FGGY: variants seen among roughly 807,000 people sequenced by gnomAD.
FGGY encodes the protein FGGY carbohydrate kinase domain-containing protein.
FGGY carries 72 observed loss-of-function variants against 71.3 expected under a neutral mutation model. The observed-to-expected ratio is 1.01, with a 90% CI of 0.84 to 1.23. FGGY has a LOEUF of 1.23. FGGY is among the 50% of genes most tolerant of loss of function. FGGY has a pLI of 0.00. For synonymous variants in FGGY, 251 were observed against 250.3 expected, an observed-to-expected ratio of 1.00 and a Z score of -0.02; for missense variants, 668 against 682.3, an observed-to-expected ratio of 0.98 and a Z score of 0.23.
intron 7 of FGGY, among the ~76,000 whole-genome samples, chr1:59,520,058 C>T (rs149958829): frequency 6.6e-6 from 1 of 152,308 alleles, no homozygotes; most frequent in Non-Finnish European, 1.5e-5. Context: ...CCCAGGCCAA[C>T]CCCCTGCAAC....
chr1:59,360,119 CTATCATTGT>C lies in FGGY; in HGVS notation c.465+13725_465+13733del, dbSNP rs200730829. ...TATTGATAATAAGAACTTTATTTTT[CTATCATTGT>C]TATTATTATTATTATTATTATTATT... On this transcript the variant is annotated intron_variant, in intron 4 of 15. Transcript: ENST00000303721. 6.2e-3 allele frequency among the ~76,000 whole-genome samples: 693 copies of C among 112,538 alleles called. 8 individuals are homozygous for C. Among genetic ancestry groups the C allele is most frequent in the African/African-American group, 0.021 (652 of 31,134 alleles). The allele number at this position is 112,538 out of a possible 152,430, so 73.8% of individuals were successfully genotyped here.
At chr1:59,417,924 C>T (rs2064750415) in intron 5 of FGGY, among the ~76,000 whole-genome samples, 1 of 152,172 alleles carries the variant, frequency 6.6e-6, no homozygotes, top group Non-Finnish European at 1.5e-5. Context: ...TGGATAGTGG[C>T]TATGTTATTG....
At chr1:59,656,996 G>C (rs922268583) in intron 11 of FGGY, among the ~76,000 whole-genome samples, 4 of 152,210 alleles carry the variant, frequency 2.6e-5, no homozygotes, top group Non-Finnish European at 5.9e-5. Context: ...TTTAGAGAAG[G>C]GTCCGTGATA....
chr1:59,327,967 T>C, intron 2 of FGGY, among the ~76,000 whole-genome samples: 1 of 152,248 alleles, frequency 6.6e-6, no homozygotes, highest in East Asian at 1.9e-4. Context: ...AGATGTGCTG[T>C]CATCCAGGCT....
chr1:59,674,544 A>T (rs776090787), intron 14 of FGGY, among the ~76,000 whole-genome samples: 23 of 152,344 alleles, frequency 1.5e-4, no homozygotes, highest in Non-Finnish European at 1.3e-4. Context: ...AACAAGAGAC[A>T]CAAATGAAAC....
At chr1:59,693,304 A>T (rs2097611833) in intron 14 of FGGY, among the ~76,000 whole-genome samples, 1 of 152,250 alleles carries the variant, frequency 6.6e-6, no homozygotes, top group African/African-American at 2.4e-5. Flanking sequence ...GTTTTCTATC[A>T]GTAAAATTTC....
At chr1:59,474,427 G>A (rs58578444) in intron 6 of FGGY, among the ~76,000 whole-genome samples, 13 of 152,138 alleles carry the variant, frequency 8.5e-5, no homozygotes, top group Admixed American at 8.5e-4. Flanking sequence ...AATTTCCTTG[G>A]TCCTGCAGCA....
chr1:59,613,497 AG>A (rs1215937350), intron 9 of FGGY, among the ~76,000 whole-genome samples: 1 of 152,210 alleles, frequency 6.6e-6, no homozygotes. Flanking sequence ...CCTTCAAAGT[AG>A]TGTGTAGAGG....
In FGGY at chr1:59,482,570, ATG is replaced by A. The variant is rs5774470; in HGVS notation, c.670+25514_670+25515del. On this transcript the variant is annotated intron_variant, in intron 6 of 15. Coordinates refer to ENST00000303721, the MANE Select transcript of FGGY (RefSeq NM_018291.5). ...TATATGTGTGTCTATGTGTATATAT[ATG>A]TGTGTGTGTGTGTGTGTGTCTGTGT... Among the ~76,000 whole-genome samples, 243 of 147,990 alleles carry A rather than the reference ATG, an allele frequency of 1.6e-3. 1 individual carries two copies. The highest frequency in any genetic ancestry group is 3.5e-3 in the African/African-American group (140 of 39,938).
Position 59,392,650 on chromosome 1 carries a change from T to C in FGGY, c.554+13813T>C, listed in dbSNP as rs368746807. ...TCCAACCCTTTGGGCTATGATTTAA[T>C]GTTAAAATGCTGTACCCTTTCCTTT... On this transcript the variant is annotated intron_variant, in intron 5 of 15. Transcript: ENST00000303721. 2.1e-4 allele frequency among the ~76,000 whole-genome samples: 32 copies of C among 152,338 alleles called. No individual in the cohort carries two copies. In the East Asian group the frequency reaches 5.8e-3, roughly 28 times the overall value.
chr1:59,419,994 GATA>G (rs2065135736), intron 5 of FGGY, among the ~76,000 whole-genome samples: 1 of 152,166 alleles, frequency 6.6e-6, no homozygotes, highest in African/African-American at 2.4e-5. Flanking sequence ...TTCAAAATGA[GATA>G]ATGTGTAGTG....
At chr1:59,417,783 TA>T (rs1264087763) in intron 5 of FGGY, among the ~76,000 whole-genome samples, 1 of 152,236 alleles carries the variant, frequency 6.6e-6, no homozygotes, top group Non-Finnish European at 1.5e-5. Flanking sequence ...ATGCCCATTA[TA>T]AAATTGGATT....
rs1222798772 is a variant in FGGY at position 59,535,141 on chromosome 1, A to G, written c.800-18983A>G. 2.6e-5 allele frequency among the ~76,000 whole-genome samples: 4 copies of G among 152,188 alleles called. No individual in the cohort carries two copies. The East Asian group carries it at 5.8e-4, about 22-fold the overall frequency. On this transcript the variant is annotated intron_variant, in intron 7 of 15. Transcript: ENST00000303721. ...AAAATAAAAGGATGGAGGAAGATCT[A>G]CCTAGCAAATGGAAAACAAAAAAAG... is the stretch of plus-strand genomic sequence containing the variant.
chr1:59,340,748 T>C (rs554886922), intron 3 of FGGY, among the ~76,000 whole-genome samples: 4 of 152,348 alleles, frequency 2.6e-5, no homozygotes, highest in African/African-American at 7.2e-5. Context: ...TCTATTAATA[T>C]ATTAATGTAA....
chr1:59,591,593 A>G (rs1242260313), intron 8 of FGGY, among the ~76,000 whole-genome samples: 1 of 152,206 alleles, frequency 6.6e-6, no homozygotes, highest in African/African-American at 2.4e-5. Context: ...AAACAGAGAT[A>G]TAGACCAATG....
intron 9 of FGGY, among the ~76,000 whole-genome samples, chr1:59,615,649 A>G (rs2096744306): frequency 6.6e-6 from 1 of 152,214 alleles, no homozygotes; most frequent in South Asian, 2.1e-4. Flanking sequence ...GACAAATGAG[A>G]TCTCATTAAA....
intron 9 of FGGY, among the ~76,000 whole-genome samples, chr1:59,614,981 T>G (rs977347112): frequency 1.3e-5 from 2 of 152,162 alleles, no homozygotes; most frequent in African/African-American, 4.8e-5. Flanking sequence ...TACAAACCAC[T>G]GCTCAATGAA....
At chr1:59,603,287 C>A (rs895309421) in intron 8 of FGGY, among the ~76,000 whole-genome samples, 3 of 152,038 alleles carry the variant, frequency 2.0e-5, no homozygotes. Context: ...GCTATTTTTC[C>A]AAGTGTTAGC....
chr1:59,478,813 G>A (rs2093364230), intron 6 of FGGY, among the ~76,000 whole-genome samples: 1 of 152,190 alleles, frequency 6.6e-6, no homozygotes, highest in Non-Finnish European at 1.5e-5. Flanking sequence ...AGAGGAAGAT[G>A]TGCCTGCAAA....
Sources: gnomAD v4.1 joint callset for allele counts (sites outside exome capture counted in the v4.1 genomes callset) on GRCh38, gnomAD v4.1.1 for gene constraint, MANE v1.5 for transcripts, NCBI Gene and HGNC (gene_info 2026-07-23, HGNC 2026-07-21) for gene names.